Variants in CCDC7 observed in about 807,000 individuals in gnomAD.
The protein encoded by CCDC7 is coiled-coil domain-containing protein 7.
CCDC7 carries 183 observed loss-of-function variants against 196.9 expected under a neutral mutation model. The ratio of observed to expected loss-of-function variants is 0.93; its 90% CI spans 0.82 to 1.05. CCDC7 has a LOEUF of 1.05. CCDC7 is among the 50% of genes least tolerant of loss of function. The pLI is 0.00. For missense variants in CCDC7, 1,540 were observed against 1,482.2 expected (o/e 1.04, Z -0.64); for synonymous variants, 525 against 484.6 (o/e 1.08, Z -1.10).
chr10:32,822,348 G>A (rs1220143308), intron 31 of CCDC7, among the ~76,000 whole-genome samples: 1 of 152,110 alleles, frequency 6.6e-6, no homozygotes, highest in Non-Finnish European at 1.5e-5. Flanking sequence ...ATTCATGATA[G>A]CATCACAAAG....
intron 11 of CCDC7, among the ~76,000 whole-genome samples, chr10:32,539,006 G>A (rs1164281117): frequency 1.3e-5 from 2 of 152,174 alleles, no homozygotes; most frequent in African/African-American, 2.4e-5. Context: ...CATAGAATGA[G>A]TTAGGGAGGA....
Position 32,816,968 on chromosome 10 carries a change from G to A in CCDC7, c.3181+2515G>A, listed in dbSNP as rs926676258. Among the ~76,000 whole-genome samples, 11 of 152,270 alleles carry A rather than the reference G, an allele frequency of 7.2e-5. No individual in the cohort carries two copies. The East Asian group carries it at 1.2e-3, about 16-fold the overall frequency. ...AGGAAAGCAGCTCCTCACAAGCAAC[G>A]GAACAAAGCTGGATGGAGAATGACT... On this transcript the variant is annotated intron_variant, in intron 31 of 41. Transcript: ENST00000639629.
At chr10:32,739,518 T>C in intron 28 of CCDC7, among the ~76,000 whole-genome samples, 1 of 152,114 alleles carries the variant, frequency 6.6e-6, no homozygotes, top group Non-Finnish European at 1.5e-5. Context: ...CTATTTCTTA[T>C]TACGTGTTGT....
At chr10:32,467,554 G>A (rs1193290031) in intron 5 of CCDC7, among the ~76,000 whole-genome samples, 1 of 152,110 alleles carries the variant, frequency 6.6e-6, no homozygotes, top group African/African-American at 2.4e-5. Flanking sequence ...TTACTCTGTT[G>A]GTAGTTTTTT....
intron 11 of CCDC7, among the ~76,000 whole-genome samples, chr10:32,534,180 G>C (rs1228286585): frequency 6.6e-6 from 1 of 151,816 alleles, no homozygotes; most frequent in Admixed American, 6.6e-5. Flanking sequence ...GGTCCATTCT[G>C]CTGTTGAGAG....
intron 18 of CCDC7, among the ~76,000 whole-genome samples, chr10:32,593,106 T>C (rs2059946570): frequency 6.6e-6 from 1 of 152,236 alleles, no homozygotes; most frequent in Non-Finnish European, 1.5e-5. Context: ...TAGTTCTAGA[T>C]CCTTGAAGAA....
At chr10:32,604,424 T>C (rs1282392855) in intron 18 of CCDC7, among the ~76,000 whole-genome samples, 1 of 152,162 alleles carries the variant, frequency 6.6e-6, no homozygotes, top group African/African-American at 2.4e-5. Context: ...TTGGGTTCTT[T>C]TGTGGTTCTA....
intron 31 of CCDC7, among the ~76,000 whole-genome samples, chr10:32,820,004 T>C (rs1470413157): frequency 1.3e-5 from 2 of 152,054 alleles, no homozygotes; most frequent in African/African-American, 4.8e-5. Flanking sequence ...GGTATTCAAT[T>C]AGGAAAAGAG....
At chr10:32,848,660 C>A in exon 39 of CCDC7, 2 of 1,536,860 alleles carry the variant, frequency 1.3e-6, no homozygotes, top group Non-Finnish European at 1.8e-6. Flanking sequence ...TTACTAGGAG[C>A]ATTACACCAA....
intron 41 of CCDC7, among the ~76,000 whole-genome samples, chr10:32,863,159 G>A (rs900828426): frequency 2.0e-5 from 3 of 150,848 alleles, no homozygotes; most frequent in Admixed American, 1.3e-4. Flanking sequence ...CCTAAAATTT[G>A]TATGAAACCA....
chr10:32,793,155 A>C (rs965977072), intron 29 of CCDC7, among the ~76,000 whole-genome samples: 1 of 152,222 alleles, frequency 6.6e-6, no homozygotes, highest in African/African-American at 2.4e-5. Flanking sequence ...GGAAGACTTT[A>C]GAATACAAAG....
intron 18 of CCDC7, among the ~76,000 whole-genome samples, chr10:32,598,372 G>A (rs895922721): frequency 6.6e-6 from 1 of 152,150 alleles, no homozygotes; most frequent in Non-Finnish European, 1.5e-5. Context: ...TATCAGGGTG[G>A]GAGTGTCCTG....
At chr10:32,642,176 C>T (rs1250332111) in intron 20 of CCDC7, among the ~76,000 whole-genome samples, 10 of 152,208 alleles carry the variant, frequency 6.6e-5, no homozygotes, top group African/African-American at 2.4e-4. Flanking sequence ...CTCTTCAAAG[C>T]TGTCAGACAG....
intron 20 of CCDC7, among the ~76,000 whole-genome samples, chr10:32,661,915 CT>C (rs2071549727): frequency 1.3e-5 from 2 of 152,108 alleles, no homozygotes; most frequent in African/African-American, 4.8e-5. Flanking sequence ...TCCACTGGCT[CT>C]GAATCCGGCT....
chr10:32,771,762 G>T (rs1478611526), intron 28 of CCDC7, among the ~76,000 whole-genome samples: 1 of 152,198 alleles, frequency 6.6e-6, no homozygotes, highest in Non-Finnish European at 1.5e-5. Context: ...CACCAGTTAA[G>T]AGTAGTAATG....
chr10:32,477,134 CTAGA>C (rs1440489159), intron 8 of CCDC7, among the ~76,000 whole-genome samples: 1 of 151,932 alleles, frequency 6.6e-6, no homozygotes, highest in Non-Finnish European at 1.5e-5. Context: ...CCAAAGTTAC[CTAGA>C]TAGTCTCTTC....
At chr10:32,707,975 A>T (rs547948752) in intron 24 of CCDC7, among the ~76,000 whole-genome samples, 21 of 152,302 alleles carry the variant, frequency 1.4e-4, no homozygotes, top group African/African-American at 4.6e-4. Flanking sequence ...AAACTACTTT[A>T]AAGTTCATAT....
chr10:32,719,212 A>G (rs932855580), intron 25 of CCDC7, among the ~76,000 whole-genome samples: 2 of 152,224 alleles, frequency 1.3e-5, no homozygotes, highest in South Asian at 2.1e-4. Context: ...GGACTCAGAA[A>G]TAATGTTACG....
At chr10:32,707,263 T>C (rs567708047) in intron 24 of CCDC7, among the ~76,000 whole-genome samples, 2 of 152,218 alleles carry the variant, frequency 1.3e-5, no homozygotes, top group Admixed American at 1.3e-4. Flanking sequence ...TTTGAGAAAA[T>C]TCAACAGTTG....
Sources: allele counts gnomAD v4.1 joint callset (sites outside exome capture counted in the v4.1 genomes callset), GRCh38; gene constraint gnomAD v4.1.1; transcripts MANE v1.5; gene names NCBI Gene and HGNC (gene_info 2026-07-23, HGNC 2026-07-21).